AMD1: variants seen among roughly 807,000 people sequenced by gnomAD.
AMD1 encodes adenosylmethionine decarboxylase 1.
AMD1 carries 11 observed loss-of-function variants against 40.2 expected under a neutral mutation model. The observed-to-expected ratio is 0.27, with a 90% confidence interval of 0.17 to 0.45. The LOEUF (loss-of-function observed/expected upper bound fraction) is 0.45. AMD1 is among the 20% of genes least tolerant of loss of function. AMD1 has a pLI of 1.00. For synonymous variants in AMD1, 121 were observed against 130.8 expected (o/e 0.93, Z 0.51); for missense variants, 257 against 410.2 (o/e 0.63, Z 3.23).
At chr6:110,834,639 A>G in the AMD1 span, among the ~76,000 whole-genome samples, 1 of 152,116 alleles carries the variant, frequency 6.6e-6, no homozygotes, top group Non-Finnish European at 1.5e-5. Flanking sequence ...TTTGGGCAAC[A>G]TAGTGAGATC....
At chr6:110,848,658 T>C in the AMD1 span, 135 of 478,910 alleles carry the variant, frequency 2.8e-4, no homozygotes, top group Middle Eastern at 3.2e-3. Context: ...TTTTGATACA[T>C]ATCAGAATGG....
the AMD1 span, chr6:110,814,641 A>T: frequency 6.2e-6 from 3 of 486,100 alleles, no homozygotes; most frequent in African/African-American, 3.9e-5. Context: ...CCGGAGCGGC[A>T]ACTCCGCAGC....
the AMD1 span, among the ~76,000 whole-genome samples, chr6:110,818,069 A>T: frequency 1.3e-5 from 2 of 152,218 alleles, no homozygotes; most frequent in Non-Finnish European, 2.9e-5. Context: ...GAAAATACTA[A>T]ACAGATAAGC....
intron 1 of AMD1, among the ~76,000 whole-genome samples, chr6:110,886,190 T>C (rs1294083260): frequency 6.8e-6 from 1 of 146,574 alleles, no homozygotes; most frequent in Non-Finnish European, 1.5e-5. Flanking sequence ...GCCACTGGAC[T>C]CCAGCCTGGG....
intron 4 of AMD1, 60 bp downstream of exon 4, chr6:110,890,416 A>G (rs1583222284): frequency 2.5e-6 from 3 of 1,188,288 alleles, no homozygotes; most frequent in African/African-American, 3.1e-5. Context: ...GCAACCTCAG[A>G]GATCTTTCTA....
At chr6:110,818,537 T>C in the AMD1 span, among the ~76,000 whole-genome samples, 3 of 149,696 alleles carry the variant, frequency 2.0e-5, no homozygotes, top group South Asian at 6.2e-4. Context: ...TATATATATT[T>C]ATTTATTTAT....
chr6:110,890,178 TG>T (rs2115307131), intron 3 of AMD1, 75 bp from the exon 4 acceptor site: 1 of 1,131,458 alleles, frequency 8.8e-7, no homozygotes, highest in Non-Finnish European at 1.3e-6. Flanking sequence ...GGACAATAGT[TG>T]ATTAGCTTCG....
At chr6:110,846,096 C>T in the AMD1 span, among the ~76,000 whole-genome samples, 31 of 152,046 alleles carry the variant, frequency 2.0e-4, no homozygotes, top group Middle Eastern at 3.4e-3. Context: ...AAAAATTAGC[C>T]GGTGTGGTGG....
chr6:110,855,911 A>G, the AMD1 span, among the ~76,000 whole-genome samples: 2 of 151,828 alleles, frequency 1.3e-5, no homozygotes, highest in Non-Finnish European at 2.9e-5. Context: ...CGAGACCCCA[A>G]CTCCAAAAAT....
At chr6:110,863,892 C>T in the AMD1 span, 2 of 496,394 alleles carry the variant, frequency 4.0e-6, no homozygotes, top group African/African-American at 4.0e-5. Flanking sequence ...GGCAGAAGTC[C>T]AGGAATGTAT....
At chr6:110,854,414 G>A in the AMD1 span, among the ~76,000 whole-genome samples, 1 of 151,840 alleles carries the variant, frequency 6.6e-6, no homozygotes, top group Admixed American at 6.6e-5. Context: ...AAACAAATGA[G>A]TACAAAGGAT....
intron 4 of AMD1, 149 bp downstream of exon 4, chr6:110,890,505 T>C (rs1785953741): frequency 8.3e-6 from 5 of 603,344 alleles, no homozygotes; most frequent in Non-Finnish European, 1.1e-5. Flanking sequence ...TGGTTTGTTT[T>C]AGACAGGGGT....
chr6:110,857,263 G>A, the AMD1 span, among the ~76,000 whole-genome samples: 12 of 152,188 alleles, frequency 7.9e-5, no homozygotes, highest in South Asian at 2.1e-4. Context: ...GCCGGGCACA[G>A]TGACTCATGC....
the AMD1 span, among the ~76,000 whole-genome samples, chr6:110,823,697 C>G: frequency 6.6e-6 from 1 of 152,118 alleles, no homozygotes; most frequent in East Asian, 1.9e-4. Flanking sequence ...GAACTCAATG[C>G]CTAAACTAAA....
upstream of AMD1, among the ~76,000 whole-genome samples, chr6:110,869,984 A>G (rs1211282660): frequency 1.3e-5 from 2 of 149,862 alleles, no homozygotes; most frequent in African/African-American, 2.5e-5. Flanking sequence ...TCCTGGGCTT[A>G]AAGCAATCCT....
chr6:110,845,340 G>A, the AMD1 span, among the ~76,000 whole-genome samples: 68 of 151,872 alleles, frequency 4.5e-4, no homozygotes, highest in African/African-American at 1.5e-3. Flanking sequence ...CACCTGGCCC[G>A]GTGCCACAGA....
chr6:110,854,550 A>G, the AMD1 span, among the ~76,000 whole-genome samples: 1 of 151,858 alleles, frequency 6.6e-6, no homozygotes, highest in Non-Finnish European at 1.5e-5. Context: ...CCGGGTTCAA[A>G]CGATTCTCCT....
intron 4 of AMD1, 53 bp downstream of exon 4, chr6:110,890,409 A>T: frequency 7.9e-7 from 1 of 1,259,772 alleles, no homozygotes; most frequent in Non-Finnish European, 1.1e-6. Flanking sequence ...AGAAAGTGCA[A>T]CCTCAGAGAT....
In AMD1 at chr6:110,874,859, G is replaced by C; in HGVS notation, c.-247G>C. ...CTAACGGGAAAGCAGCGGAATACAA[G>C]AGACTGAACTGTATCTGCCTCTATT... is the stretch of plus-strand genomic sequence containing the variant. On this transcript the variant is annotated 5_prime_UTR_variant, in exon 1 of 9. Transcript: ENST00000368885. The C allele has an allele frequency of 2.1e-6, 1 of 465,828 alleles. No individual in the cohort carries two copies. The highest frequency in any genetic ancestry group is 3.9e-6 in the Non-Finnish European group (1 of 259,560). The allele number at this position is 465,828 out of a possible 1,614,324, so 28.9% of individuals were successfully genotyped here.
Sources: allele counts gnomAD v4.1 joint callset (sites outside exome capture counted in the v4.1 genomes callset), GRCh38; gene constraint gnomAD v4.1.1; transcripts MANE v1.5; gene names NCBI Gene and HGNC (gene_info 2026-07-23, HGNC 2026-07-21).